Variants in ZC3H7A observed in about 807,000 individuals in gnomAD.
ZC3H7A encodes zinc finger CCCH-type containing 7A.
ZC3H7A carries 44 observed loss-of-function variants against 125.5 expected under a neutral mutation model. The observed-to-expected ratio is 0.35, with a 90% CI of 0.28 to 0.45. ZC3H7A has a LOEUF of 0.45. Among genes scored for constraint, ZC3H7A ranks in the 20% least tolerant of loss-of-function variants. The pLI, the probability that ZC3H7A is intolerant of heterozygous loss-of-function variation, is 1.00. For synonymous variants in ZC3H7A, 399 were observed against 391.2 expected (o/e 1.02, Z -0.23); for missense variants, 977 against 1,170.7 (o/e 0.83, Z 2.41).
chr16:11,774,585 C>T, intron 8 of ZC3H7A, 66 bp from the exon 9 acceptor site: 1 of 1,418,830 alleles, frequency 7.0e-7, no homozygotes, highest in Non-Finnish European at 9.4e-7. Flanking sequence ...CCATTAATCC[C>T]CAATAATAGA....
chr16:11,782,740 T>C, intron 1 of ZC3H7A: 1 of 162,458 alleles, frequency 6.2e-6, no homozygotes, highest in Non-Finnish European at 1.3e-5. Flanking sequence ...CTCAGCCTCC[T>C]GAGTGGCTGG....
At chr16:11,774,648 A>T (rs2141197206) in intron 8 of ZC3H7A, 129 bp from the exon 9 acceptor site, 7 of 1,154,604 alleles carry the variant, frequency 6.1e-6, no homozygotes, top group Admixed American at 3.1e-5. Context: ...AATTGACAGT[A>T]TAGTAAAGCA....
At chr16:11,757,002 GT>G (rs1253475681) in intron 20 of ZC3H7A, among the ~76,000 whole-genome samples, 2 of 152,194 alleles carry the variant, frequency 1.3e-5, no homozygotes, top group Non-Finnish European at 2.9e-5. Context: ...TAAAGCTGAG[GT>G]TTCTCAGCCT....
chr16:11,785,639 G>C (rs2053245967), intron 1 of ZC3H7A, among the ~76,000 whole-genome samples: 1 of 150,684 alleles, frequency 6.6e-6, no homozygotes, highest in South Asian at 2.1e-4. Context: ...TTTGTTTTTT[G>C]AGACAGAGTC....
At chr16:11,780,729 G>A (rs1037401890) in intron 3 of ZC3H7A, among the ~76,000 whole-genome samples, 1 of 152,086 alleles carries the variant, frequency 6.6e-6, no homozygotes, top group African/African-American at 2.4e-5. Context: ...GAGGGAGAGA[G>A]GCAGCAAGAA....
intron 16 of ZC3H7A, 198 bp downstream of exon 16, chr16:11,763,280 G>A (rs2052784362): frequency 4.9e-6 from 2 of 411,704 alleles, no homozygotes; most frequent in East Asian, 4.1e-5. Context: ...ATTAATTTTT[G>A]TATTTTTTGT....
In ZC3H7A at chr16:11,756,078, G is replaced by A. The variant is rs1010069805; in HGVS notation, c.2562+159C>T. Among the ~76,000 whole-genome samples the A allele has an allele frequency of 1.8e-4, 27 of 152,244 alleles. No homozygotes were observed. The highest frequency in any genetic ancestry group is 2.1e-4 in the South Asian group (1 of 4,826). ...CTTGGGAGGCTGAGGCAAGAGAATTGCTTGAACCAGGGAGGCGGAGGTTGC... is the reference window on the plus strand; with the variant it reads ...CTTGGGAGGCTGAGGCAAGAGAATTACTTGAACCAGGGAGGCGGAGGTTGC... On this transcript the variant is annotated intron_variant, in intron 21 of 22. Coordinates refer to ENST00000355758, the MANE Select transcript of ZC3H7A (RefSeq NM_014153.4).
At chr16:11,774,554 C>A in intron 8 of ZC3H7A, 35 bp from the exon 9 acceptor site, 1 of 1,485,014 alleles carries the variant, frequency 6.7e-7, no homozygotes, top group South Asian at 1.5e-5. Flanking sequence ...CAGTCACTTT[C>A]ATCGTACTTA....
At chr16:11,784,495 G>A (rs2053223003) in intron 1 of ZC3H7A, among the ~76,000 whole-genome samples, 1 of 152,016 alleles carries the variant, frequency 6.6e-6, no homozygotes, top group South Asian at 2.1e-4. Flanking sequence ...AAGGCAGGAA[G>A]ATCACTTGAG....
At chr16:11,764,988 T>C (rs921156260) in intron 15 of ZC3H7A, 65 bp downstream of exon 15, 3 of 1,173,458 alleles carry the variant, frequency 2.6e-6, no homozygotes, top group East Asian at 5.2e-5. Flanking sequence ...TTACTACTAG[T>C]TTTTATTCAG....
intron 1 of ZC3H7A, among the ~76,000 whole-genome samples, chr16:11,790,810 A>T (rs1429353222): frequency 6.6e-6 from 1 of 150,612 alleles, no homozygotes; most frequent in Non-Finnish European, 1.5e-5. Context: ...CAGGAGGCAG[A>T]GGTTGCAGTG....
chr16:11,788,730 C>T (rs1310518839), intron 1 of ZC3H7A, among the ~76,000 whole-genome samples: 1 of 151,426 alleles, frequency 6.6e-6, no homozygotes, highest in Non-Finnish European at 1.5e-5. Flanking sequence ...TATCCTGCCT[C>T]AGCCGCCCCA....
At position 11,773,331 on chromosome 16, in the gene ZC3H7A, A is replaced by G. The variant is rs141671502; in HGVS notation, c.903+905T>C. ...AGCAGTGGGACCACAGGCACGCACC[A>G]CTATGCCAGGCTGTTTTTAATTTTT... On this transcript the variant is annotated intron_variant, in intron 9 of 22. Coordinates refer to ENST00000355758, the MANE Select transcript of ZC3H7A (RefSeq NM_014153.4). Among the ~76,000 whole-genome samples, 480 of 152,026 alleles carry G rather than the reference A, an allele frequency of 3.2e-3. 6 individuals carry two copies. Among genetic ancestry groups the G allele is most frequent in the African/African-American group, 0.011 (434 of 41,306 alleles).
chr16:11,778,992 G>A (rs1282212410), intron 4 of ZC3H7A, among the ~76,000 whole-genome samples, 174 bp downstream of exon 4: 4 of 152,110 alleles, frequency 2.6e-5, no homozygotes, highest in Non-Finnish European at 5.9e-5. Flanking sequence ...GATTACAGGC[G>A]TGAGCCACCG....
rs536092403 is a variant in ZC3H7A, at chr16:11,763,665, A to T, written c.1821-6T>A. The T allele has an allele frequency of 1.3e-6, 2 of 1,504,314 alleles. No individual in the cohort carries two copies. The highest frequency in any genetic ancestry group is 2.4e-5 in the East Asian group (1 of 41,006). The allele number at this position is 1,504,314 out of a possible 1,614,324, so 93.2% of individuals were successfully genotyped here. On this transcript the variant is annotated splice_polypyrimidine_tract_variant and splice_region_variant and intron_variant, in intron 15 of 22. Coordinates refer to ENST00000355758, the MANE Select transcript of ZC3H7A (RefSeq NM_014153.4). ...GCAAAATGTGGACAAGGCACCTAAG[A>T]TGAAAACAGTGACATTTTAATATTG...
At position 11,768,520 on chromosome 16, in the gene ZC3H7A, GAAA is replaced by G. The variant is rs34038330; in HGVS notation, c.1174-22_1174-20del. On this transcript the variant is annotated intron_variant, in intron 11 of 22. Transcript: ENST00000355758. ...CATTCATCTGCAAGAAAAATAAGAA[GAAA>G]AAAAAAAAAAACAGCCAACAAATAT... 1.0e-5 allele frequency: 12 copies of G among 1,148,520 alleles called. No homozygotes were observed. The highest frequency in any genetic ancestry group is 2.9e-4 in the Middle Eastern group (1 of 3,446). The allele number at this position is 1,148,520 out of a possible 1,614,324, so 71.1% of individuals were successfully genotyped here.
At chr16:11,761,830 C>A (rs2052757537) in intron 18 of ZC3H7A, 80 bp downstream of exon 18, 3 of 1,567,594 alleles carry the variant, frequency 1.9e-6, no homozygotes, top group African/African-American at 2.8e-5. Flanking sequence ...AAGCCTTAAA[C>A]TTTTTGCTTA....
At chr16:11,775,309 T>A (rs923136432) in intron 7 of ZC3H7A, among the ~76,000 whole-genome samples, 6 of 150,320 alleles carry the variant, frequency 4.0e-5, no homozygotes, top group African/African-American at 1.5e-4. Context: ...AGGTGGAGGC[T>A]GCAGTGAGCT....
At chr16:11,756,429 A>G in intron 20 of ZC3H7A, 59 bp from the exon 21 acceptor site, 2 of 1,580,990 alleles carry the variant, frequency 1.3e-6, no homozygotes, top group East Asian at 4.5e-5. Flanking sequence ...AATACATGCA[A>G]CTATGTGCAT....
Sources: allele counts gnomAD v4.1 joint callset (sites outside exome capture counted in the v4.1 genomes callset), GRCh38; gene constraint gnomAD v4.1.1; transcripts MANE v1.5; gene names NCBI Gene and HGNC (gene_info 2026-07-23, HGNC 2026-07-21).